The following NACC2 variants were observed in gnomAD, a reference collection of about 807,000 sequenced individuals.
NACC2 encodes nucleus accumbens-associated protein 2.
Under a neutral mutation model 25.1 loss-of-function variants are expected in NACC2, and 8 were observed. The observed-to-expected ratio is 0.32, with a 90% CI of 0.19 to 0.57. The LOEUF is 0.57. Ranked by LOEUF, NACC2 falls within the 20% of genes least tolerant of loss-of-function variation. NACC2 has a pLI of 0.89. For synonymous variants in NACC2, 435 were observed against 294.7 expected (o/e 1.48, Z -4.88); for missense variants, 644 against 650.2 (o/e 0.99, Z 0.10).
chr9:136,006,647 C>G lies in NACC2; in HGVS notation c.*4869G>C, dbSNP rs1230203634. On this transcript the variant is annotated 3_prime_UTR_variant, in exon 6 of 6. Coordinates refer to ENST00000277554, the MANE Select transcript of NACC2 (RefSeq NM_144653.5). ...TGGATTTCCACTGTCTGAAACGGCT[C>G]TGAGCACGCTTGAAGCCCTCGGTTT... is the stretch of plus-strand genomic sequence containing the variant. 1.3e-5 allele frequency: 2 copies of G among 152,238 alleles called. No individual in the cohort carries two copies. The highest frequency in any genetic ancestry group is 2.9e-5 in the Non-Finnish European group (2 of 68,048). The allele number at this position is 152,238 out of a possible 1,614,324, so 9.4% of individuals were successfully genotyped here. A position where few individuals can be genotyped will look rare whatever the true frequency, so the allele number is the denominator to read the frequency against.
chr9:136,018,672 C>A lies in NACC2; in HGVS notation c.887-2243G>T, dbSNP rs1588558103. Among the ~76,000 whole-genome samples, 1 of 152,004 alleles carries A rather than the reference C, an allele frequency of 6.6e-6. No individual in the cohort carries two copies. The highest frequency in any genetic ancestry group is 2.4e-5 in the African/African-American group (1 of 41,364). On this transcript the variant is annotated intron_variant, in intron 2 of 5. Coordinates refer to ENST00000277554, the MANE Select transcript of NACC2 (RefSeq NM_144653.5). The surrounding 1 kb of genome is among the most constrained non-coding windows in gnomAD (Gnocchi z 4.4). ...GGGCCTCAAAGGTGGGTGCACAGCC[C>A]CTGCCCGGCCACTACAGGGGTCAGG...
At chr9:136,058,262 T>C (rs1458845777) in intron 1 of NACC2, among the ~76,000 whole-genome samples, 1 of 152,218 alleles carries the variant, frequency 6.6e-6, no homozygotes, top group Non-Finnish European at 1.5e-5. Flanking sequence ...AAGGGCGAAC[T>C]ACAGGGCAGA....
In NACC2 at chr9:136,007,429, A is replaced by ACAGACGCGCG. The variant is rs1491104345; in HGVS notation, c.*4086_*4087insCGCGCGTCTG. On this transcript the variant is annotated 3_prime_UTR_variant, in exon 6 of 6. Transcript: ENST00000277554. ...CGTGCACACAGACGCGCGTGCACAC[A>ACAGACGCGCG]TACACACAGACGCGCACACACACGC... 8.6e-6 allele frequency: 1 copy of ACAGACGCGCG among 115,778 alleles called. No homozygotes were observed. The highest frequency in any genetic ancestry group is 3.4e-5 in the African/African-American group (1 of 29,676). 7.2% of individuals were successfully genotyped at this position (115,778 alleles called of 1,614,324 possible). A position where few individuals can be genotyped will look rare whatever the true frequency, so the allele number is the denominator to read the frequency against.
At position 136,013,159 on chromosome 9, in the gene NACC2, G is replaced by GGCCCCGGCCCCCCCCC; in HGVS notation, c.1255+39_1255+40insGGGGGGGGGCCGGGGC. On this transcript the variant is annotated intron_variant, in intron 5 of 5. Coordinates refer to ENST00000277554, the MANE Select transcript of NACC2 (RefSeq NM_144653.5). The surrounding 1 kb of genome is among the most constrained non-coding windows in gnomAD (Gnocchi z 6.6). ...CTCCTCAGGCTGGGATCTGAACCCA[G>GGCCCCGGCCCCCCCCC]CCCCGGCCCCACCCACCCGAGAGAC... 3 of 754,880 alleles carry GGCCCCGGCCCCCCCCC rather than the reference G, an allele frequency of 4.0e-6. No homozygotes were observed. Among genetic ancestry groups the GGCCCCGGCCCCCCCCC allele is most frequent in the Admixed American group, 1.9e-5 (1 of 52,864 alleles). 46.8% of individuals were successfully genotyped at this position (754,880 alleles called of 1,614,324 possible). A position where few individuals can be genotyped will look rare whatever the true frequency, so the allele number is the denominator to read the frequency against.
chr9:136,063,400 C>T (rs871095), intron 1 of NACC2, among the ~76,000 whole-genome samples: 113,415 of 152,098 alleles, frequency 0.75, 43,206 homozygotes, highest in Non-Finnish European at 0.83. Context: ...AAAGAGGTCA[C>T]GTACATTGCA....
chr9:136,030,800 C>T (rs1306089054), intron 2 of NACC2, among the ~76,000 whole-genome samples: 2 of 151,774 alleles, frequency 1.3e-5, no homozygotes, highest in Non-Finnish European at 2.9e-5. Context: ...TAGCTGGGAC[C>T]TCAGGCACAC....
intron 2 of NACC2, among the ~76,000 whole-genome samples, chr9:136,032,764 G>A (rs1043995439): frequency 2.6e-5 from 4 of 152,150 alleles, no homozygotes; most frequent in Admixed American, 2.6e-4. Context: ...TGGGCATGGT[G>A]GCTCATGCCT....
rs907435665 is a variant in NACC2 at position 136,056,721 on chromosome 9, G to C, written c.-59-6141C>G. On this transcript the variant is annotated intron_variant, in intron 1 of 5. Transcript: ENST00000277554. Reference sequence around the variant, plus strand: ...TCGCCCCAGCCTGGGAGGTGGAGGAGAGCCATGCAGGGCTGGGCCCAGGCC... The same window carrying C: ...TCGCCCCAGCCTGGGAGGTGGAGGACAGCCATGCAGGGCTGGGCCCAGGCC... Among the ~76,000 whole-genome samples the C allele has an allele frequency of 2.0e-5, 3 of 152,142 alleles. No individual in the cohort carries two copies. In the East Asian group the frequency reaches 5.8e-4, roughly 29 times the overall value.
intron 2 of NACC2, among the ~76,000 whole-genome samples, chr9:136,041,043 G>GAAAGGAAAGAAGGAAAGAA (rs1331503296): frequency 2.8e-5 from 4 of 143,878 alleles, no homozygotes; most frequent in African/African-American, 1.0e-4. Context: ...GAAAGAAAAG[G>GAAAGGAAAGAAGGAAAGAA]AAGGAAGGAA....
Position 136,022,191 on chromosome 9 carries a change from G to A in NACC2, c.887-5762C>T, listed in dbSNP as rs1840303964. Among the ~76,000 whole-genome samples the A allele has an allele frequency of 6.6e-6, 1 of 152,222 alleles. No individual in the cohort carries two copies. The highest frequency in any genetic ancestry group is 1.5e-5 in the Non-Finnish European group (1 of 68,036). ...TGGTGGCATCAGGCGCAGAGCAGGT[G>A]CACAGGGACCCAGGTGGAAATGGTG... is the stretch of plus-strand genomic sequence containing the variant. On this transcript the variant is annotated intron_variant, in intron 2 of 5. Coordinates refer to ENST00000277554, the MANE Select transcript of NACC2 (RefSeq NM_144653.5). This position sits in a 1 kb window ranked among gnomAD's most constrained non-coding sequence, Gnocchi z 4.4.
intron 1 of NACC2, among the ~76,000 whole-genome samples, chr9:136,051,758 C>T (rs1171357995): frequency 6.6e-6 from 1 of 152,170 alleles, no homozygotes; most frequent in Non-Finnish European, 1.5e-5. Context: ...CGCCGGCCGG[C>T]ACTGCCCGCT....
At chr9:136,030,026 C>A (rs903171289) in intron 2 of NACC2, among the ~76,000 whole-genome samples, 1 of 152,200 alleles carries the variant, frequency 6.6e-6, no homozygotes, top group African/African-American at 2.4e-5. Flanking sequence ...CTGTGACACA[C>A]ACTGCACCTG....
chr9:136,049,574 C>A, intron 2 of NACC2, 62 bp downstream of exon 2: 2 of 723,430 alleles, frequency 2.8e-6, no homozygotes, highest in East Asian at 2.5e-5. Context: ...CTGAGCCACC[C>A]GGGTCCCAGG....
intron 2 of NACC2, among the ~76,000 whole-genome samples, chr9:136,036,128 A>G (rs1418178027): frequency 4.6e-5 from 7 of 152,072 alleles, no homozygotes; most frequent in Non-Finnish European, 1.0e-4. Context: ...AGAACGTGCA[A>G]AGTGGCAAGA....
Position 136,006,716 on chromosome 9 carries a change from T to C in NACC2, c.*4800A>G, listed in dbSNP as rs900411851. ...GTTTCAGTTTTAGTTATTGATACAA[T>C]GTCAGCCATGGCTAAAAAGTAACAG... On this transcript the variant is annotated 3_prime_UTR_variant, in exon 6 of 6. Transcript: ENST00000277554. 6.6e-6 allele frequency: 1 copy of C among 152,236 alleles called. No individual in the cohort carries two copies. The highest frequency in any genetic ancestry group is 1.5e-5 in the Non-Finnish European group (1 of 68,026). 9.4% of individuals were successfully genotyped at this position (152,236 alleles called of 1,614,324 possible).
rs962902361 is a variant in NACC2 at position 136,049,807 on chromosome 9, T to A, written c.715A>T (p.Met239Leu). The A allele has an allele frequency of 1.3e-6, 1 of 751,892 alleles. No homozygotes were observed. The highest frequency in any genetic ancestry group is 2.5e-6 in the Non-Finnish European group (1 of 403,674). 46.6% of individuals were successfully genotyped at this position (751,892 alleles called of 1,614,324 possible). The change falls in exon 2 of 6, where the codon ATG (methionine) becomes TTG (leucine). Residue 239 changes from methionine to leucine, a missense_variant. Met to Leu is a conservative substitution (Grantham distance 15). Coordinates refer to ENST00000277554, the MANE Select transcript of NACC2 (RefSeq NM_144653.5). ...LATLIPGIQQ[M>L]PYPQGERTSP... ...GTCCGCTCCCCCTGGGGGTAGGGCA[T>A]CTGCTGGATGCCGGGGATGAGGGTG...
At chr9:136,012,180 C>G (rs1201490912) in intron 5 of NACC2, among the ~76,000 whole-genome samples, 156 bp from the exon 6 acceptor site, 2 of 152,214 alleles carry the variant, frequency 1.3e-5, no homozygotes, top group African/African-American at 4.8e-5. Flanking sequence ...GCCAGAAGAC[C>G]AGAGGTCACG....
intron 1 of NACC2, among the ~76,000 whole-genome samples, chr9:136,093,213 G>T (rs887101018): frequency 6.6e-6 from 1 of 152,224 alleles, no homozygotes; most frequent in African/African-American, 2.4e-5. Context: ...GACTCCGGAG[G>T]CAGAGGCCAA....
chr9:136,077,657 C>T (rs1830276967), intron 1 of NACC2, among the ~76,000 whole-genome samples: 1 of 152,174 alleles, frequency 6.6e-6, no homozygotes, highest in Non-Finnish European at 1.5e-5. Flanking sequence ...AGAAGGTCCC[C>T]AGGCGGTGAC....
Sources: allele counts gnomAD v4.1 joint callset (sites outside exome capture counted in the v4.1 genomes callset), GRCh38; gene constraint gnomAD v4.1.1; non-coding constraint Gnocchi (gnomAD v3.1); transcripts MANE v1.5; gene names NCBI Gene and HGNC (gene_info 2026-07-23, HGNC 2026-07-21).